SUGP1: variants seen among roughly 807,000 people sequenced by gnomAD.
SUGP1 encodes the protein SURP and G-patch domain-containing protein 1.
Under a neutral mutation model 76.5 loss-of-function variants are expected in SUGP1, and 34 were observed. The observed-to-expected ratio is 0.44, with a 90% CI of 0.34 to 0.59. The LOEUF is 0.59. SUGP1 is among the 20% of genes least tolerant of loss of function. SUGP1 has a pLI of 0.01. For missense variants in SUGP1, 752 were observed against 851.7 expected (o/e 0.88, Z 1.46); for synonymous variants, 326 against 326.2 (o/e 1.00, Z 0.01).
At chr19:19,300,400 T>C (rs1230099033) in intron 7 of SUGP1, among the ~76,000 whole-genome samples, 2 of 152,202 alleles carry the variant, frequency 1.3e-5, no homozygotes, top group Non-Finnish European at 2.9e-5. Context: ...AGCCATGCAG[T>C]TGGTTACAAA....
chr19:19,282,462 C>T (rs919699686), intron 8 of SUGP1, among the ~76,000 whole-genome samples: 2 of 149,590 alleles, frequency 1.3e-5, no homozygotes, highest in African/African-American at 2.5e-5. Flanking sequence ...AAAAAAGAGA[C>T]TCAATTCAGA....
chr19:19,309,395 G>A (rs1042727625), intron 3 of SUGP1, among the ~76,000 whole-genome samples: 3 of 152,266 alleles, frequency 2.0e-5, no homozygotes, highest in African/African-American at 7.2e-5. Context: ...GAGGTGGAAG[G>A]TTTGCTTGAG....
intron 1 of SUGP1, among the ~76,000 whole-genome samples, chr19:19,320,094 A>G (rs1337813028): frequency 1.3e-5 from 2 of 152,258 alleles, no homozygotes; most frequent in Non-Finnish European, 2.9e-5. Flanking sequence ...TTTTCCAGAA[A>G]GCGGGACACA....
intron 3 of SUGP1, among the ~76,000 whole-genome samples, chr19:19,309,213 A>G (rs2061337206): frequency 6.6e-6 from 1 of 152,120 alleles, no homozygotes; most frequent in South Asian, 2.1e-4. Flanking sequence ...GGCTGGGTAC[A>G]GTGGCTCCTG....
chr19:19,304,082 C>T (rs145710513), intron 4 of SUGP1: 3 of 1,483,034 alleles, frequency 2.0e-6, no homozygotes, highest in Non-Finnish European at 2.7e-6. Flanking sequence ...TGGTGAGCTC[C>T]AGGCTGGAAG....
intron 8 of SUGP1, among the ~76,000 whole-genome samples, chr19:19,290,617 C>A (rs1039875769): frequency 6.6e-6 from 1 of 151,462 alleles, no homozygotes; most frequent in Non-Finnish European, 1.5e-5. Flanking sequence ...GCACTCCAGC[C>A]CGGATAAAAG....
intron 7 of SUGP1, among the ~76,000 whole-genome samples, chr19:19,300,925 T>C (rs370999660): frequency 1.3e-5 from 2 of 152,204 alleles, no homozygotes; most frequent in South Asian, 2.1e-4. Context: ...CCTGGACCCC[T>C]CTGACCAAGC....
chr19:19,318,573 C>A (rs922067565), intron 1 of SUGP1, among the ~76,000 whole-genome samples: 4 of 152,152 alleles, frequency 2.6e-5, no homozygotes, highest in Admixed American at 2.6e-4. Flanking sequence ...GGACTACAGG[C>A]ACACTCTACC....
intron 8 of SUGP1, among the ~76,000 whole-genome samples, chr19:19,287,066 G>A (rs972326658): frequency 1.3e-5 from 2 of 152,208 alleles, no homozygotes; most frequent in Non-Finnish European, 2.9e-5. Flanking sequence ...TTTGAGGTCA[G>A]GAGTAAGAGA....
At chr19:19,320,317 A>T in intron 1 of SUGP1, 146 bp downstream of exon 1, 1 of 792,504 alleles carries the variant, frequency 1.3e-6, no homozygotes, top group Non-Finnish European at 1.9e-6. Flanking sequence ...TCGAGAAACC[A>T]AGAGGTGCAG....
At chr19:19,285,969 T>C (rs1340663429) in intron 8 of SUGP1, among the ~76,000 whole-genome samples, 1 of 152,116 alleles carries the variant, frequency 6.6e-6, no homozygotes. Flanking sequence ...CCCTGAGTCT[T>C]AAAGGGAAAA....
At chr19:19,290,441 C>T (rs1372432642) in intron 8 of SUGP1, among the ~76,000 whole-genome samples, 2 of 152,064 alleles carry the variant, frequency 1.3e-5, no homozygotes, top group Non-Finnish European at 2.9e-5. Context: ...GCCAGGAGTG[C>T]GAGACCAGCC....
At chr19:19,287,945 C>T (rs2061153737) in intron 8 of SUGP1, among the ~76,000 whole-genome samples, 1 of 152,196 alleles carries the variant, frequency 6.6e-6, no homozygotes, top group South Asian at 2.1e-4. Context: ...GCAAGACCAA[C>T]CCCTACTCTT....
Position 19,297,318 on chromosome 19 carries a change from C to G in SUGP1, c.914G>C (p.Gly305Ala). 1 of 1,524,488 alleles carries G rather than the reference C, an allele frequency of 6.6e-7. No homozygotes were observed. Among genetic ancestry groups the G allele is most frequent in the South Asian group, 1.3e-5 (1 of 78,658 alleles). The allele number at this position is 1,524,488 out of a possible 1,614,324, so 94.4% of individuals were successfully genotyped here. The change falls in exon 8 of 14, where the codon GGG becomes GCG. Residue 305 changes from glycine (G) to alanine (A), a missense_variant. Coordinates refer to ENST00000247001, the MANE Select transcript of SUGP1 (RefSeq NM_172231.4). ...CAGCTTCTGTCGGTAGTACTTGTAC[C>G]CTTGGCTATTGGGCTCATACAGAAA... ...FSFLYEPNSQ[G>A]YKYYRQKLEE...
chr19:19,315,269 G>A (rs2061384744), intron 2 of SUGP1, among the ~76,000 whole-genome samples: 1 of 151,974 alleles, frequency 6.6e-6, no homozygotes, highest in Non-Finnish European at 1.5e-5. Context: ...TCAAGGCTTC[G>A]GTGAGCCATG....
In SUGP1 at chr19:19,303,717, TACTC is replaced by T; in HGVS notation, c.662+3_662+6del. On this transcript the variant is annotated splice_donor_5th_base_variant and intron_variant, in intron 5 of 13. Transcript: ENST00000247001. ...AGCACAGCCTTCCCTTCCCCGGAGATACTCACGCAAATGCTGGGTTATCCTTGTA... is the reference window on the plus strand; with the variant it reads ...AGCACAGCCTTCCCTTCCCCGGAGATACGCAAATGCTGGGTTATCCTTGTA... 1 of 1,614,168 alleles carries T rather than the reference TACTC, an allele frequency of 6.2e-7. No individual in the cohort carries two copies. Among genetic ancestry groups the T allele is most frequent in the South Asian group, 1.1e-5 (1 of 91,080 alleles).
chr19:19,311,726 CAA>C (rs55707664), intron 2 of SUGP1, among the ~76,000 whole-genome samples: 2,132 of 77,092 alleles, frequency 0.028, 29 homozygotes, highest in South Asian at 0.12. Context: ...GACTCTGTCT[CAA>C]AAAAAAAAAA....
chr19:19,318,048 G>A (rs1392178802), intron 1 of SUGP1, among the ~76,000 whole-genome samples: 1 of 149,014 alleles, frequency 6.7e-6, no homozygotes, highest in African/African-American at 2.5e-5. Context: ...CGTCCTCAAG[G>A]GAACCTCCAA....
chr19:19,302,254 GCCC>G lies in SUGP1; in HGVS notation c.887+8_887+10del. On this transcript the variant is annotated splice_region_variant and intron_variant, in intron 7 of 13. Coordinates refer to ENST00000247001, the MANE Select transcript of SUGP1 (RefSeq NM_172231.4). ...GGGTGACGGTCACCTCCCTGGCAGG[GCCC>G]CCCTTACCTGAATGCCTGGTTCTCA... 1 of 1,613,912 alleles carries G rather than the reference GCCC, an allele frequency of 6.2e-7. No individual in the cohort carries two copies. The highest frequency in any genetic ancestry group is 8.5e-7 in the Non-Finnish European group (1 of 1,179,870).
Sources: allele counts gnomAD v4.1 joint callset (sites outside exome capture counted in the v4.1 genomes callset), GRCh38; gene constraint gnomAD v4.1.1; transcripts MANE v1.5; gene names NCBI Gene and HGNC (gene_info 2026-07-23, HGNC 2026-07-21).